AGFG1: variants seen among roughly 807,000 people sequenced by gnomAD.
The protein encoded by AGFG1 is ArfGAP with FG repeats 1.
A neutral mutation model predicts 60.6 loss-of-function variants in AGFG1; 10 were observed. The observed-to-expected ratio is 0.16, with a 90% CI of 0.10 to 0.28. AGFG1 has a LOEUF of 0.28. Among genes scored for constraint, AGFG1 ranks in the 10% least tolerant of loss-of-function variants. The pLI, the probability that AGFG1 is intolerant of heterozygous loss-of-function variation, is 1.00. For missense variants in AGFG1, 537 were observed against 676.5 expected, an observed-to-expected ratio of 0.79 and a Z score of 2.29; for synonymous variants, 247 against 242.9, an observed-to-expected ratio of 1.02 and a Z score of -0.16.
rs570143987 is a variant in AGFG1, at chr2:227,497,935, G to A, written c.261+6295G>A. On this transcript the variant is annotated intron_variant, in intron 2 of 12. Coordinates refer to ENST00000310078, the MANE Select transcript of AGFG1 (RefSeq NM_004504.5). ...AATTTGCTAGGACTCAAAAAAATCC[G>A]TGGTTTAGTTTGATTACCACTAATT... 3.9e-4 allele frequency among the ~76,000 whole-genome samples: 59 copies of A among 151,788 alleles called. No individual in the cohort carries two copies. In the South Asian group the frequency reaches 9.6e-3, roughly 25 times the overall value.
chr2:227,542,404 A>C (rs570316311), intron 10 of AGFG1, among the ~76,000 whole-genome samples: 1 of 152,164 alleles, frequency 6.6e-6, no homozygotes, highest in South Asian at 2.1e-4. Context: ...CCTTTTCTGC[A>C]TCTATTGAGA....
intron 10 of AGFG1, among the ~76,000 whole-genome samples, chr2:227,547,362 C>CTT (rs1190661549): frequency 6.6e-6 from 1 of 152,134 alleles, no homozygotes; most frequent in African/African-American, 2.4e-5. Flanking sequence ...TCAATTTACT[C>CTT]TTAATATTTG....
intron 10 of AGFG1, among the ~76,000 whole-genome samples, chr2:227,546,726 G>GT (rs1168330691): frequency 6.6e-6 from 1 of 152,100 alleles, no homozygotes; most frequent in Non-Finnish European, 1.5e-5. Context: ...GATATTTAGT[G>GT]TTTTTCCCCC....
rs529638334 is a variant in AGFG1 at position 227,560,432 on chromosome 2, C to A, written c.*5937C>A. The A allele has an allele frequency of 2.8e-5, 2 of 71,098 alleles. No homozygotes were observed. The highest frequency in any genetic ancestry group is 6.0e-4 in the South Asian group (1 of 1,678). The allele number at this position is 71,098 out of a possible 1,614,324, so 4.4% of individuals were successfully genotyped here. ...CTTCCATTTAAAGAAGAAAAAAAATCTCTCTGACTATCTGAAGATATATGA... is the reference window on the plus strand; with the variant it reads ...CTTCCATTTAAAGAAGAAAAAAAATATCTCTGACTATCTGAAGATATATGA... On this transcript the variant is annotated 3_prime_UTR_variant, in exon 13 of 13. Coordinates refer to ENST00000310078, the MANE Select transcript of AGFG1 (RefSeq NM_004504.5).
At position 227,524,988 on chromosome 2, in the gene AGFG1, A is replaced by G. The variant is rs141425457; in HGVS notation, c.694+73A>G. ...CCAAGAAACATCAATTCTTTATCAC[A>G]CTTTGAGGATCAGTAAACATTTTTT... On this transcript the variant is annotated intron_variant, in intron 5 of 12. Coordinates refer to ENST00000310078, the MANE Select transcript of AGFG1 (RefSeq NM_004504.5). 994 of 1,539,626 alleles carry G rather than the reference A, an allele frequency of 6.5e-4. 14 individuals carry two copies. In the East Asian group the frequency reaches 0.022, roughly 33 times the overall value.
In AGFG1 at chr2:227,536,667, A is replaced by G; in HGVS notation, c.1248A>G (p.Thr416=). The G allele has an allele frequency of 6.2e-7, 1 of 1,613,764 alleles. No individual in the cohort carries two copies. Among genetic ancestry groups the G allele is most frequent in the Non-Finnish European group, 8.5e-7 (1 of 1,179,848 alleles). Residue 416 remains threonine (T), a synonymous_variant, in exon 9 of 13, where the codon ACA becomes ACG. Transcript: ENST00000310078. ...GTVPVVASAQ[T]QPASSSVPAP... ...TGCCAGTGGTTGCTTCTGCACAGACACAGCCTGCTTCATCAAGTGTGCCTG... is the reference window on the plus strand; with the variant it reads ...TGCCAGTGGTTGCTTCTGCACAGACGCAGCCTGCTTCATCAAGTGTGCCTG...
chr2:227,493,667 TC>T (rs1690887696), intron 2 of AGFG1, among the ~76,000 whole-genome samples: 1 of 152,212 alleles, frequency 6.6e-6, no homozygotes, highest in Non-Finnish European at 1.5e-5. Context: ...GATAGACCAC[TC>T]AAAGCACTTA....
At chr2:227,496,433 C>G (rs1349890504) in intron 2 of AGFG1, among the ~76,000 whole-genome samples, 1 of 117,444 alleles carries the variant, frequency 8.5e-6, no homozygotes, top group African/African-American at 3.5e-5. Flanking sequence ...TAGAGCGAGA[C>G]TCCGTCTCAA....
In AGFG1 at chr2:227,472,356, G is replaced by A. The variant is rs1410756345; in HGVS notation, c.-66G>A. The A allele has an allele frequency of 1.0e-6, 1 of 1,001,806 alleles. No individual in the cohort carries two copies. The highest frequency in any genetic ancestry group is 1.7e-5 in the African/African-American group (1 of 57,192). The allele number at this position is 1,001,806 out of a possible 1,614,324, so 62.1% of individuals were successfully genotyped here. ...CGCGGCCAGGGCGGCCCGTGGGACCGCGGGCCCCCGGCGCAGCGCTGCCCG... is the reference window on the plus strand; with the variant it reads ...CGCGGCCAGGGCGGCCCGTGGGACCACGGGCCCCCGGCGCAGCGCTGCCCG... On this transcript the variant is annotated 5_prime_UTR_variant, in exon 1 of 13. Coordinates refer to ENST00000310078, the MANE Select transcript of AGFG1 (RefSeq NM_004504.5).
At position 227,536,757 on chromosome 2, in the gene AGFG1, T is replaced by A. The variant is rs1487010294; in HGVS notation, c.1285+53T>A. The A allele has an allele frequency of 2.1e-5, 34 of 1,588,566 alleles. No individual in the cohort carries two copies. The Middle Eastern group carries it at 5.0e-4, about 23-fold the overall frequency. ...TTTTACAAAGAACCCAAATATATAT[T>A]GTGTAGCATTTTCTTAGGAGTCAAA... On this transcript the variant is annotated intron_variant, in intron 9 of 12. Coordinates refer to ENST00000310078, the MANE Select transcript of AGFG1 (RefSeq NM_004504.5).
chr2:227,531,304 G>A (rs1267405856), intron 6 of AGFG1, 94 bp downstream of exon 6: 2 of 1,378,250 alleles, frequency 1.5e-6, no homozygotes, highest in African/African-American at 2.9e-5. Context: ...CTTAAATTCT[G>A]TAATTATCTG....
chr2:227,497,632 A>G (rs775460770), intron 2 of AGFG1, among the ~76,000 whole-genome samples: 1 of 151,648 alleles, frequency 6.6e-6, no homozygotes, highest in African/African-American at 2.4e-5. Flanking sequence ...CCCTCAAGAC[A>G]TTATAGACAT....
intron 2 of AGFG1, among the ~76,000 whole-genome samples, chr2:227,500,726 A>G (rs761497575): frequency 1.3e-5 from 2 of 152,216 alleles, no homozygotes; most frequent in Non-Finnish European, 2.9e-5. Flanking sequence ...TCAAAACATT[A>G]GTTCACATTA....
chr2:227,544,393 A>G (rs1692581873), intron 10 of AGFG1, among the ~76,000 whole-genome samples: 1 of 151,976 alleles, frequency 6.6e-6, no homozygotes, highest in African/African-American at 2.4e-5. Context: ...TGACCTCGTC[A>G]TCTGCCTGTC....
At chr2:227,491,972 G>A (rs957175073) in intron 2 of AGFG1, among the ~76,000 whole-genome samples, 1 of 152,256 alleles carries the variant, frequency 6.6e-6, no homozygotes, top group Non-Finnish European at 1.5e-5. Flanking sequence ...AATTCATTTT[G>A]TGATGTTGTG....
Position 227,556,230 on chromosome 2 carries a change from G to C in AGFG1, c.*1735G>C, listed in dbSNP as rs567613515. 1 of 152,294 alleles carries C rather than the reference G, an allele frequency of 6.6e-6. No homozygotes were observed. Among genetic ancestry groups the C allele is most frequent in the East Asian group, 1.9e-4 (1 of 5,186 alleles). The allele number at this position is 152,294 out of a possible 1,614,324, so 9.4% of individuals were successfully genotyped here. A position where few individuals can be genotyped will look rare whatever the true frequency, so the allele number is the denominator to read the frequency against. On this transcript the variant is annotated 3_prime_UTR_variant, in exon 13 of 13. Coordinates refer to ENST00000310078, the MANE Select transcript of AGFG1 (RefSeq NM_004504.5). ...CAGTTTCCTCAAACATTTTATTCATGTTGAATGCCTTTTTGCAATGATGAC... is the reference window on the plus strand; with the variant it reads ...CAGTTTCCTCAAACATTTTATTCATCTTGAATGCCTTTTTGCAATGATGAC...
chr2:227,487,950 A>G (rs939251434), intron 1 of AGFG1, among the ~76,000 whole-genome samples: 1 of 152,278 alleles, frequency 6.6e-6, no homozygotes, highest in Non-Finnish European at 1.5e-5. Flanking sequence ...ATCCCTGAAT[A>G]AATGGAATAT....
intron 3 of AGFG1, among the ~76,000 whole-genome samples, chr2:227,523,036 G>T (rs909851194): frequency 8.5e-5 from 13 of 152,150 alleles, no homozygotes; most frequent in African/African-American, 2.7e-4. Context: ...ATAAAGAGAG[G>T]ACTGTGGTTA....
intron 1 of AGFG1, among the ~76,000 whole-genome samples, chr2:227,482,814 C>T (rs1483464561): frequency 6.6e-6 from 1 of 152,164 alleles, no homozygotes; most frequent in African/African-American, 2.4e-5. Flanking sequence ...TGGTTACAGT[C>T]ATACCTGGGT....
Sources: allele counts gnomAD v4.1 joint callset (sites outside exome capture counted in the v4.1 genomes callset), GRCh38; gene constraint gnomAD v4.1.1; transcripts MANE v1.5; gene names NCBI Gene and HGNC (gene_info 2026-07-23, HGNC 2026-07-21).